Variants in FAM199X observed in about 807,000 individuals in gnomAD.
The protein encoded by FAM199X is family with sequence similarity 199, X-linked, also known as protein FAM199X.
FAM199X carries 4 observed loss-of-function variants against 22.9 expected under a neutral mutation model. The ratio of observed to expected loss-of-function variants is 0.17; its 90% CI spans 0.09 to 0.40. The LOEUF (loss-of-function observed/expected upper bound fraction) is 0.40. Ranked by LOEUF, FAM199X falls within the 10% of genes least tolerant of loss-of-function variation. FAM199X has a pLI of 1.00. For synonymous variants in FAM199X, 101 were observed against 112.3 expected (o/e 0.90, Z 0.64); for missense variants, 183 against 306.8 (o/e 0.60, Z 3.01).
chrX:104,178,077 A>G (rs1262354680), intron 2 of FAM199X, among the ~76,000 whole-genome samples: 2 of 112,175 alleles, frequency 1.8e-5, no homozygotes, highest in Non-Finnish European at 3.8e-5. Flanking sequence ...TCTTACATGT[A>G]GGTCTTTGAC....
upstream of FAM199X, among the ~76,000 whole-genome samples, chrX:104,163,335 C>T (rs1921084263): frequency 8.9e-6 from 1 of 111,949 alleles, no homozygotes; most frequent in Admixed American, 9.5e-5. Flanking sequence ...AGGCAGATTA[C>T]CCCAGGGTTT....
At position 104,186,630 on chromosome X, in the gene FAM199X, A is replaced by G. The variant is rs1921812287; in HGVS notation, c.729+9A>G. ...ATGAAAAACTGAAGCAGGTATGTAA[A>G]GAAAATACAGATTATTTACCTATTA... is the stretch of plus-strand genomic sequence containing the variant. On this transcript the variant is annotated intron_variant, in intron 4 of 5. Coordinates refer to ENST00000493442, the MANE Select transcript of FAM199X (RefSeq NM_207318.4). 1 of 1,174,798 alleles carries G rather than the reference A, an allele frequency of 8.5e-7. No homozygotes were observed. Among genetic ancestry groups the G allele is most frequent in the Non-Finnish European group, 1.1e-6 (1 of 869,691 alleles).
Position 104,191,874 on chromosome X carries a change from C to T in FAM199X, c.*2096C>T, listed in dbSNP as rs1556380490. On this transcript the variant is annotated 3_prime_UTR_variant, in exon 6 of 6. Transcript: ENST00000493442. ...TTATTACTTTCAATTTAACTTGAGT[C>T]ACTATTAAGCAAGTTTACCAAAGTG... 1 of 111,736 alleles carries T rather than the reference C, an allele frequency of 8.9e-6. No individual in the cohort carries two copies. Among genetic ancestry groups the T allele is most frequent in the Non-Finnish European group, 1.9e-5 (1 of 53,080 alleles). The allele number at this position is 111,736 out of a possible 1,213,427, so 9.2% of individuals were successfully genotyped here.
intron 2 of FAM199X, among the ~76,000 whole-genome samples, chrX:104,177,472 A>G (rs972108153): frequency 4.5e-5 from 5 of 112,198 alleles, no homozygotes; most frequent in Non-Finnish European, 9.4e-5. Context: ...ATTCTCTTGA[A>G]TATACCCCAA....
At chrX:104,169,383 T>G (rs1335343160) in intron 1 of FAM199X, among the ~76,000 whole-genome samples, 1 of 112,125 alleles carries the variant, frequency 8.9e-6, no homozygotes, top group East Asian at 2.8e-4. Context: ...TTAATTTTGC[T>G]TCCTTCTTGG....
chrX:104,169,768 A>G (rs1290168588), intron 1 of FAM199X, among the ~76,000 whole-genome samples: 5 of 111,829 alleles, frequency 4.5e-5, no homozygotes, highest in African/African-American at 1.6e-4. Context: ...GGGTTTCACC[A>G]TGTTGGCCAG....
intron 1 of FAM199X, among the ~76,000 whole-genome samples, chrX:104,175,342 C>G (rs1921461362): frequency 8.9e-6 from 1 of 111,754 alleles, no homozygotes. Context: ...GTAATGGACC[C>G]CATGTTCCTG....
At chrX:104,175,868 C>T in intron 2 of FAM199X, 26 bp downstream of exon 2, 1 of 1,052,242 alleles carries the variant, frequency 9.5e-7, no homozygotes, top group Non-Finnish European at 1.3e-6. Context: ...CTTTTCTTGA[C>T]ATTGTTACTA....
chrX:104,177,799 G>A (rs1556376826), intron 2 of FAM199X, among the ~76,000 whole-genome samples: 2 of 111,938 alleles, frequency 1.8e-5, no homozygotes, highest in Non-Finnish European at 3.8e-5. Flanking sequence ...TTATGGTTGC[G>A]TTGTAAGAGT....
rs189259259 is a variant in FAM199X at position 104,190,968 on chromosome X, C to A, written c.*1190C>A. On this transcript the variant is annotated 3_prime_UTR_variant, in exon 6 of 6. Transcript: ENST00000493442. ...CATGAACATTAGAAATAGCATTATT[C>A]CTTTTCTTCTACCACATGTCTTGAA... The A allele has an allele frequency of 8.1e-5, 9 of 111,574 alleles. No individual in the cohort carries two copies. In the East Asian group the frequency reaches 2.5e-3, roughly 31 times the overall value. 9.2% of individuals were successfully genotyped at this position (111,574 alleles called of 1,213,427 possible). A position where few individuals can be genotyped will look rare whatever the true frequency, so the allele number is the denominator to read the frequency against.
At chrX:104,163,586 C>A (rs1733670525), upstream of FAM199X, among the ~76,000 whole-genome samples, 1 of 111,537 alleles carries the variant, frequency 9.0e-6, no homozygotes. Context: ...TACATTATTA[C>A]CATATATTTA....
chrX:104,175,231 A>G (rs893890854), intron 1 of FAM199X, among the ~76,000 whole-genome samples: 1 of 112,501 alleles, frequency 8.9e-6, no homozygotes, highest in African/African-American at 3.2e-5. Flanking sequence ...TGCTTTGTTT[A>G]TGGATGAAGA....
chrX:104,193,087 G>C lies in FAM199X; in HGVS notation c.*3309G>C, dbSNP rs1921979425. ...GTATAGCCTCATGTGCCTTAAAGGTGGTGAACTCTAGTTTTTGTCAATATC... is the reference window on the plus strand; with the variant it reads ...GTATAGCCTCATGTGCCTTAAAGGTCGTGAACTCTAGTTTTTGTCAATATC... On this transcript the variant is annotated 3_prime_UTR_variant, in exon 6 of 6. Transcript: ENST00000493442. 1 of 111,184 alleles carries C rather than the reference G, an allele frequency of 9.0e-6. No homozygotes were observed. The highest frequency in any genetic ancestry group is 3.3e-5 in the African/African-American group (1 of 30,715). The allele number at this position is 111,184 out of a possible 1,213,427, so 9.2% of individuals were successfully genotyped here. A position where few individuals can be genotyped will look rare whatever the true frequency, so the allele number is the denominator to read the frequency against.
chrX:104,188,251 C>T lies in FAM199X; in HGVS notation c.941C>T (p.Ala314Val). The change falls in exon 5 of 6, where the codon GCA becomes GTA. Residue 314 changes from alanine (A) to valine (V), a missense_variant. Transcript: ENST00000493442. ...ASNSSANMSR[A>V]HSDSNLSASA... Reference sequence around the variant, plus strand: ...AACTCCAGTGCCAACATGAGTCGAGCACACAGTGACAGCAACCTGTCTGCA... The same window carrying T: ...AACTCCAGTGCCAACATGAGTCGAGTACACAGTGACAGCAACCTGTCTGCA... 8.2e-7 allele frequency: 1 copy of T among 1,212,194 alleles called. No homozygotes were observed. Among genetic ancestry groups the T allele is most frequent in the East Asian group, 3.0e-5 (1 of 33,864 alleles).
chrX:104,168,218 A>C (rs1488765379), intron 1 of FAM199X, among the ~76,000 whole-genome samples: 1 of 112,507 alleles, frequency 8.9e-6, no homozygotes, highest in Non-Finnish European at 1.9e-5. Flanking sequence ...AGTGGCAGTA[A>C]ATTTATTATG....
At position 104,184,534 on chromosome X, in the gene FAM199X, G is replaced by T. The variant is rs781985245; in HGVS notation, c.418-1532G>T. Among the ~76,000 whole-genome samples the T allele has an allele frequency of 3.6e-5, 4 of 111,082 alleles. No individual in the cohort carries two copies. In the Admixed American group the frequency reaches 3.8e-4, roughly 11 times the overall value. ...GGTAATGGATATATTTATAACCTTG[G>T]TCATGGCGGTGACCATGCATATACT... On this transcript the variant is annotated intron_variant, in intron 2 of 5. Coordinates refer to ENST00000493442, the MANE Select transcript of FAM199X (RefSeq NM_207318.4).
chrX:104,167,401 G>C (rs1329243969), intron 1 of FAM199X, among the ~76,000 whole-genome samples: 1 of 109,196 alleles, frequency 9.2e-6, no homozygotes, highest in African/African-American at 3.3e-5. Flanking sequence ...TCAATCCATA[G>C]ATCTTTTGAA....
At chrX:104,163,844 T>A (rs782162502), upstream of FAM199X, among the ~76,000 whole-genome samples, 39 of 110,047 alleles carry the variant, frequency 3.5e-4, no homozygotes, top group African/African-American at 1.2e-3. Flanking sequence ...ATTTTTGTAT[T>A]TTTAGTAGAG....
chrX:104,175,905 T>C (rs12009967), intron 2 of FAM199X, 63 bp downstream of exon 2: 167,510 of 828,931 alleles, frequency 0.2, 13,542 homozygotes, highest in Non-Finnish European at 0.24. Flanking sequence ...AACTTTTCTT[T>C]TGATATTTTC....
Sources: gnomAD v4.1 joint callset for allele counts (sites outside exome capture counted in the v4.1 genomes callset) on GRCh38, gnomAD v4.1.1 for gene constraint, MANE v1.5 for transcripts, NCBI Gene and HGNC (gene_info 2026-07-23, HGNC 2026-07-21) for gene names.